The following NNMT variants were observed in gnomAD, a reference collection of about 807,000 sequenced individuals.
NNMT encodes nicotinamide N-methyltransferase.
Under a neutral mutation model 11.7 loss-of-function variants are expected in NNMT, and 10 were observed. The ratio of observed to expected loss-of-function variants is 0.85; its 90% CI spans 0.53 to 1.45. The LOEUF (loss-of-function observed/expected upper bound fraction) is 1.45, where lower values mean the gene tolerates loss of function less well. NNMT is among the 40% of genes most tolerant of loss of function. NNMT has a pLI of 0.00. For missense variants in NNMT, 381 were observed against 319.4 expected (o/e 1.19, Z -1.47); for synonymous variants, 143 against 133.8 (o/e 1.07, Z -0.48).
chr11:114,279,015 G>A (rs1409814512), intron 2 of NNMT, among the ~76,000 whole-genome samples: 1 of 152,162 alleles, frequency 6.6e-6, no homozygotes, highest in Non-Finnish European at 1.5e-5. Context: ...GACCAGCCTG[G>A]GCCACCCAGG....
chr11:114,285,486 A>G (rs889415186), intron 2 of NNMT, among the ~76,000 whole-genome samples: 5 of 152,214 alleles, frequency 3.3e-5, no homozygotes, highest in Non-Finnish European at 5.9e-5. Context: ...TAAGGCTCAT[A>G]TTAATCAGCT....
intron 2 of NNMT, among the ~76,000 whole-genome samples, chr11:114,276,107 G>GCA (rs1945211328): frequency 7.0e-6 from 1 of 142,280 alleles, no homozygotes; most frequent in Admixed American, 7.1e-5. Context: ...GTTTCAGGCT[G>GCA]CCCCCCCACC....
intron 2 of NNMT, among the ~76,000 whole-genome samples, chr11:114,309,084 G>A (rs934520804): frequency 3.3e-5 from 5 of 152,122 alleles, no homozygotes; most frequent in South Asian, 2.1e-4. Context: ...CAATGTTCCC[G>A]TTATACAGGA....
chr11:114,308,471 A>G (rs1335960145), intron 2 of NNMT, among the ~76,000 whole-genome samples: 1 of 152,196 alleles, frequency 6.6e-6, no homozygotes, highest in Non-Finnish European at 1.5e-5. Context: ...AGACATTCTC[A>G]GAAAGGGTTC....
At position 114,312,126 on chromosome 11, in the gene NNMT, A is replaced by C. The variant is rs748375019; in HGVS notation, c.444A>C (p.Pro148=). 1 of 1,613,740 alleles carries C rather than the reference A, an allele frequency of 6.2e-7. No homozygotes were observed. The highest frequency in any genetic ancestry group is 8.5e-7 in the Non-Finnish European group (1 of 1,179,748). The part of the protein sequence containing the change: ...VLKCDVTQSQ[P]LGAVPLPPAD... ...AGTGTGATGTGACTCAGAGCCAGCCACTGGGGGCCGTCCCCTTACCCCCGG... is the reference window on the plus strand; with the variant it reads ...AGTGTGATGTGACTCAGAGCCAGCCCCTGGGGGCCGTCCCCTTACCCCCGG... The change falls in exon 3 of 3, where the codon CCA becomes CCC. Residue 148 remains proline, a synonymous_variant. Coordinates refer to ENST00000299964, the MANE Select transcript of NNMT (RefSeq NM_006169.3).
At chr11:114,258,176 G>C (rs758590326) in intron 1 of NNMT, among the ~76,000 whole-genome samples, 24 of 152,380 alleles carry the variant, frequency 1.6e-4, no homozygotes, top group Non-Finnish European at 2.5e-4. Flanking sequence ...GGTCAGAAGA[G>C]GGGACAGGCA....
At chr11:114,260,111 C>T (rs1392163247) in intron 1 of NNMT, among the ~76,000 whole-genome samples, 5 of 152,184 alleles carry the variant, frequency 3.3e-5, no homozygotes, top group East Asian at 3.9e-4. Context: ...CTGCTATTCA[C>T]AGCACACTCA....
chr11:114,304,850 A>T (rs920336811), intron 2 of NNMT, among the ~76,000 whole-genome samples: 1 of 152,220 alleles, frequency 6.6e-6, no homozygotes, highest in African/African-American at 2.4e-5. Context: ...AATAAAAAAT[A>T]ATAATAAAAA....
At chr11:114,297,264 C>G (rs773963716) in intron 1 of NNMT, 2 of 151,828 alleles carry the variant, frequency 1.3e-5, no homozygotes, top group African/African-American at 4.8e-5. Context: ...TCTCCTAGAC[C>G]TTAAAATTCC....
chr11:114,304,494 A>G (rs1191036175), intron 2 of NNMT, among the ~76,000 whole-genome samples: 1 of 152,150 alleles, frequency 6.6e-6, no homozygotes, highest in Non-Finnish European at 1.5e-5. Flanking sequence ...CTGTGGCTTT[A>G]ATTATTTTAA....
chr11:114,282,145 G>A (rs1203332652), intron 2 of NNMT, among the ~76,000 whole-genome samples: 4 of 152,164 alleles, frequency 2.6e-5, no homozygotes, highest in East Asian at 3.9e-4. Flanking sequence ...GATCGCTTGA[G>A]CCCAGGAGGT....
In NNMT at chr11:114,298,125, T is replaced by A. The variant is rs777359076; in HGVS notation, c.329T>A (p.Val110Glu). ...KEPEAFDWSPVVTYVCDLEGN... is the reference protein window; with the variant it reads ...KEPEAFDWSPEVTYVCDLEGN... ...CCAGAGGCCTTTGACTGGTCCCCAG[T>A]GGTGACCTATGTGTGTGATCTTGAA... is the stretch of plus-strand genomic sequence containing the variant. The change falls in exon 2 of 3, where the codon GTG becomes GAG. Residue 110 changes from valine to glutamate, a missense_variant. Transcript: ENST00000299964. The A allele has an allele frequency of 6.2e-7, 1 of 1,614,180 alleles. No individual in the cohort carries two copies. Among genetic ancestry groups the A allele is most frequent in the Non-Finnish European group, 8.5e-7 (1 of 1,180,024 alleles).
At chr11:114,283,633 C>G (rs185512576) in intron 2 of NNMT, among the ~76,000 whole-genome samples, 1 of 152,060 alleles carries the variant, frequency 6.6e-6, no homozygotes, top group Non-Finnish European at 1.5e-5. Flanking sequence ...GTTTTACTTC[C>G]GAGGCTTAGT....
intron 2 of NNMT, among the ~76,000 whole-genome samples, chr11:114,302,625 A>C (rs890750922): frequency 2.6e-5 from 4 of 151,960 alleles, no homozygotes; most frequent in African/African-American, 9.7e-5. Context: ...TACTATGTTT[A>C]AGTGTTAGTT....
chr11:114,306,359 C>A (rs1469666235), intron 2 of NNMT, among the ~76,000 whole-genome samples: 2 of 152,142 alleles, frequency 1.3e-5, no homozygotes, highest in Non-Finnish European at 2.9e-5. Flanking sequence ...TTAATTAGAT[C>A]TCATTTGTTA....
chr11:114,269,127 C>G (rs910411368), intron 2 of NNMT, among the ~76,000 whole-genome samples: 3 of 152,162 alleles, frequency 2.0e-5, no homozygotes, highest in African/African-American at 7.2e-5. Flanking sequence ...AGTGCTAGAG[C>G]CAGATTTTGA....
intron 2 of NNMT, among the ~76,000 whole-genome samples, chr11:114,300,894 G>A (rs960428169): frequency 1.4e-4 from 21 of 152,088 alleles, no homozygotes; most frequent in Middle Eastern, 3.2e-3. Flanking sequence ...CTCTAAGATG[G>A]CCCCCAATAA....
intron 2 of NNMT, among the ~76,000 whole-genome samples, chr11:114,278,293 G>T (rs781349675): frequency 1.3e-5 from 2 of 152,132 alleles, no homozygotes; most frequent in Non-Finnish European, 2.9e-5. Context: ...TTGTGAAAGA[G>T]CTCACTCGTT....
chr11:114,269,912 ATAAT>A (rs1195140084), intron 2 of NNMT, among the ~76,000 whole-genome samples: 5 of 152,114 alleles, frequency 3.3e-5, no homozygotes, highest in African/African-American at 9.7e-5. Flanking sequence ...TGTTATTAAT[ATAAT>A]TAATTAAGGT....
Sources: gnomAD v4.1 joint callset for allele counts (sites outside exome capture counted in the v4.1 genomes callset) on GRCh38, gnomAD v4.1.1 for gene constraint, MANE v1.5 for transcripts, NCBI Gene and HGNC (gene_info 2026-07-23, HGNC 2026-07-21) for gene names.